The following POU2AF2 variants were observed in gnomAD, a reference collection of about 807,000 sequenced individuals.
POU2AF2 encodes POU domain class 2-associating factor 2.
the POU2AF2 span, among the ~76,000 whole-genome samples, chr11:111,266,589 G>A: frequency 1.6e-3 from 238 of 152,244 alleles, 1 homozygote; most frequent in African/African-American, 5.4e-3. Context: ...TTGAGTTGAC[G>A]TTCAGACCTG....
chr11:111,253,557 C>CACT, the POU2AF2 span, among the ~76,000 whole-genome samples: 3 of 152,190 alleles, frequency 2.0e-5, no homozygotes, highest in African/African-American at 7.2e-5. Context: ...TCCCATCCAC[C>CACT]ACTACTCAGT....
chr11:111,275,313 G>A, the POU2AF2 span, among the ~76,000 whole-genome samples: 7 of 152,196 alleles, frequency 4.6e-5, no homozygotes, highest in African/African-American at 1.7e-4. Flanking sequence ...CAAAGCTGGG[G>A]GTAGGGGCAG....
the POU2AF2 span, among the ~76,000 whole-genome samples, chr11:111,279,228 A>G: frequency 6.6e-6 from 1 of 152,220 alleles, no homozygotes; most frequent in African/African-American, 2.4e-5. Flanking sequence ...CATTCTTGAC[A>G]CCAGTTTAGG....
chr11:111,270,951 C>T, the POU2AF2 span, among the ~76,000 whole-genome samples: 40,788 of 152,146 alleles, frequency 0.27, 5,761 homozygotes, highest in Admixed American at 0.34. Context: ...ACACTCACCC[C>T]ACCAGTCATT....
At chr11:111,271,615 G>A in the POU2AF2 span, among the ~76,000 whole-genome samples, 1 of 151,898 alleles carries the variant, frequency 6.6e-6, no homozygotes, top group Non-Finnish European at 1.5e-5. Flanking sequence ...TGGAGATGGG[G>A]GTCTCACTGT....
the POU2AF2 span, chr11:111,284,514 C>G: frequency 9.3e-7 from 1 of 1,080,878 alleles, no homozygotes; most frequent in African/African-American, 1.6e-5. Context: ...TTGCAGCTGC[C>G]TAGAGATGCC....
the POU2AF2 span, chr11:111,281,434 A>G: frequency 8.1e-6 from 13 of 1,613,710 alleles, no homozygotes; most frequent in African/African-American, 1.3e-5. Flanking sequence ...ATTTGTGCAG[A>G]TGCCAGGTGA....
At chr11:111,276,453 A>AAAAAAAAAAAAAAAATAT in the POU2AF2 span, among the ~76,000 whole-genome samples, 10 of 37,658 alleles carry the variant, frequency 2.7e-4, no homozygotes, top group African/African-American at 7.7e-4. Flanking sequence ...AAAAAAAAAA[A>AAAAAAAAAAAAAAAATAT]ATATATATAT....
At chr11:111,282,324 T>C in the POU2AF2 span, among the ~76,000 whole-genome samples, 1 of 152,228 alleles carries the variant, frequency 6.6e-6, no homozygotes, top group African/African-American at 2.4e-5. Flanking sequence ...CAGAACCTTA[T>C]TTATTTATAT....
At chr11:111,264,774 A>AGGAT in the POU2AF2 span, among the ~76,000 whole-genome samples, 105 of 145,342 alleles carry the variant, frequency 7.2e-4, 1 homozygote, top group African/African-American at 2.6e-3. Flanking sequence ...GAAGGAAGGA[A>AGGAT]GGAGATGAAG....
chr11:111,273,398 T>C, the POU2AF2 span, among the ~76,000 whole-genome samples: 3 of 152,200 alleles, frequency 2.0e-5, no homozygotes, highest in African/African-American at 7.2e-5. Flanking sequence ...TTCAATATGG[T>C]ATCATCAGCT....
the POU2AF2 span, among the ~76,000 whole-genome samples, chr11:111,276,453 A>AAAAAAAAATAT: frequency 2.9e-4 from 11 of 37,664 alleles, no homozygotes; most frequent in African/African-American, 5.8e-4. Flanking sequence ...AAAAAAAAAA[A>AAAAAAAAATAT]ATATATATAT....
chr11:111,268,216 G>C, the POU2AF2 span, among the ~76,000 whole-genome samples: 1 of 152,178 alleles, frequency 6.6e-6, no homozygotes, highest in African/African-American at 2.4e-5. Context: ...TGGGAAAAAG[G>C]GTAAGCTTTG....
At chr11:111,272,418 T>C in the POU2AF2 span, among the ~76,000 whole-genome samples, 1 of 152,202 alleles carries the variant, frequency 6.6e-6, no homozygotes, top group Non-Finnish European at 1.5e-5. Flanking sequence ...AGCTAGGGAT[T>C]ATAACAATCT....
chr11:111,270,083 A>G, the POU2AF2 span, among the ~76,000 whole-genome samples: 2 of 152,328 alleles, frequency 1.3e-5, no homozygotes, highest in South Asian at 4.2e-4. Flanking sequence ...TTAAAGTGAA[A>G]AGCAGAAGCT....
chr11:111,283,942 C>A, the POU2AF2 span: 9 of 793,724 alleles, frequency 1.1e-5, no homozygotes, highest in Non-Finnish European at 1.9e-5. Flanking sequence ...CAAGACATTT[C>A]TCTATTTCCA....
the POU2AF2 span, among the ~76,000 whole-genome samples, chr11:111,268,491 TA>T: frequency 0.01 from 420 of 40,182 alleles, 11 homozygotes; most frequent in Non-Finnish European, 0.018. Flanking sequence ...TATTTTATTT[TA>T]TTTTATTTTA....
chr11:111,261,492 G>A, the POU2AF2 span, among the ~76,000 whole-genome samples: 341 of 152,130 alleles, frequency 2.2e-3, 1 homozygote, highest in African/African-American at 7.7e-3. Context: ...TCAGACCATT[G>A]TTCCTTTTAA....
At chr11:111,278,834 C>A in the POU2AF2 span, among the ~76,000 whole-genome samples, 9 of 152,224 alleles carry the variant, frequency 5.9e-5, no homozygotes, top group Admixed American at 4.6e-4. Flanking sequence ...GAAAGTTATT[C>A]TTTCCAGCCA....
Sources: gnomAD v4.1 joint callset for allele counts (sites outside exome capture counted in the v4.1 genomes callset) on GRCh38, gnomAD v4.1.1 for gene constraint, MANE v1.5 for transcripts, NCBI Gene and HGNC (gene_info 2026-07-23, HGNC 2026-07-21) for gene names.